Variants in KAT7 observed in about 807,000 individuals in gnomAD.
KAT7 encodes lysine acetyltransferase 7, also known as histone acetyltransferase KAT7.
A neutral mutation model predicts 82.1 loss-of-function variants in KAT7; 10 were observed. The ratio of observed to expected loss-of-function variants is 0.12; its 90% CI spans 0.08 to 0.21. KAT7 has a LOEUF of 0.21. Ranked by LOEUF, KAT7 falls within the 10% of genes least tolerant of loss-of-function variation. The pLI, the probability that KAT7 is intolerant of heterozygous loss-of-function variation, is 1.00. For synonymous variants in KAT7, 250 were observed against 262.5 expected (o/e 0.95, Z 0.46); for missense variants, 378 against 760.9 (o/e 0.50, Z 5.92).
intron 3 of KAT7, 108 bp from the exon 4 acceptor site, chr17:49,798,211 A>T: frequency 1.0e-6 from 1 of 982,596 alleles, no homozygotes; most frequent in Non-Finnish European, 1.5e-6. Flanking sequence ...GCTGAAAGTT[A>T]CTGGTTAAAT....
Position 49,833,147 on chromosome 17 carries a change from TG to T in KAT7, c.*5650del, listed in dbSNP as rs2074437922. Reference sequence around the variant, plus strand: ...AAGTCCAGGTCATGTTGTTACCATTTGGGGGTTTGCGGATTTGTTTACTTGT... The same window carrying T: ...AAGTCCAGGTCATGTTGTTACCATTTGGGGTTTGCGGATTTGTTTACTTGT... On this transcript the variant is annotated 3_prime_UTR_variant, in exon 15 of 15. Transcript: ENST00000259021. 6.6e-6 allele frequency: 1 copy of T among 152,222 alleles called. No individual in the cohort carries two copies. The highest frequency in any genetic ancestry group is 2.1e-4 in the South Asian group (1 of 4,834). 9.4% of individuals were successfully genotyped at this position (152,222 alleles called of 1,614,324 possible).
chr17:49,814,248 G>A (rs1048102994), intron 7 of KAT7, among the ~76,000 whole-genome samples: 4 of 152,120 alleles, frequency 2.6e-5, no homozygotes, highest in Non-Finnish European at 5.9e-5. Context: ...ATGAATACAT[G>A]GACATAGGCC....
rs7208160 is a variant in KAT7 at position 49,812,883 on chromosome 17, A to G, written c.852+1309A>G. Reference sequence around the variant, plus strand: ...ACACCCGGCTAATTTTTGTATTTTTAGTAGAGATGGGGTTTCACCATGTTG... The same window carrying G: ...ACACCCGGCTAATTTTTGTATTTTTGGTAGAGATGGGGTTTCACCATGTTG... On this transcript the variant is annotated intron_variant, in intron 7 of 14. Coordinates refer to ENST00000259021, the MANE Select transcript of KAT7 (RefSeq NM_007067.5). Among the ~76,000 whole-genome samples the G allele has an allele frequency of 1.5e-3, 223 of 151,410 alleles. 1 individual carries two copies. The highest frequency in any genetic ancestry group is 2.4e-3 in the Non-Finnish European group (165 of 67,844).
At chr17:49,804,231 T>C (rs2074062054) in intron 4 of KAT7, among the ~76,000 whole-genome samples, 1 of 151,502 alleles carries the variant, frequency 6.6e-6, no homozygotes, top group African/African-American at 2.4e-5. Context: ...TACAAAAAAT[T>C]AGCCGGGCGT....
intron 9 of KAT7, among the ~76,000 whole-genome samples, chr17:49,820,233 C>A (rs1452207228): frequency 2.0e-5 from 3 of 151,494 alleles, no homozygotes; most frequent in South Asian, 2.1e-4. Flanking sequence ...GACAGAGTGA[C>A]ACCCTATCTC....
intron 1 of KAT7, among the ~76,000 whole-genome samples, chr17:49,790,488 C>T (rs1188376104): frequency 2.0e-5 from 3 of 152,210 alleles, no homozygotes; most frequent in African/African-American, 7.2e-5. Context: ...TGAGCCACCA[C>T]GCCCGGCCGG....
At chr17:49,813,268 A>G (rs570366243) in intron 7 of KAT7, among the ~76,000 whole-genome samples, 24 of 152,064 alleles carry the variant, frequency 1.6e-4, no homozygotes, top group African/African-American at 5.1e-4. Context: ...AAGTGAGAAC[A>G]TGCTGTGTTT....
At position 49,815,856 on chromosome 17, in the gene KAT7, A is replaced by G. The variant is rs139974135; in HGVS notation, c.906A>G (p.Thr302=). The G allele has an allele frequency of 1.1e-4, 178 of 1,613,742 alleles. No homozygotes were observed. Among genetic ancestry groups the G allele is most frequent in the Non-Finnish European group, 1.4e-4 (170 of 1,179,912 alleles). Residue 302 remains threonine (T), a synonymous_variant, in exon 8 of 15, where the codon ACA becomes ACG. Coordinates refer to ENST00000259021, the MANE Select transcript of KAT7 (RefSeq NM_007067.5). ...NTREPLLENL[T]SEYDLDLFRR... The stretch of plus-strand genomic sequence containing the variant: ...GGGAACCTCTTTTAGAAAACCTGAC[A>G]AGCGAGTATGACTTGGATCTTTTCC...
intron 4 of KAT7, among the ~76,000 whole-genome samples, chr17:49,803,856 A>C (rs1302146402): frequency 6.6e-6 from 1 of 150,528 alleles, no homozygotes; most frequent in African/African-American, 2.4e-5. Context: ...GTAAGCTTTA[A>C]ACTCCACTTT....
intron 7 of KAT7, among the ~76,000 whole-genome samples, 183 bp downstream of exon 7, chr17:49,811,757 A>G (rs1246349369): frequency 6.6e-6 from 1 of 152,228 alleles, no homozygotes; most frequent in East Asian, 1.9e-4. Context: ...TGAGAGTGGA[A>G]ACAGGAGGTC....
intron 8 of KAT7, 64 bp downstream of exon 8, chr17:49,815,977 A>AT: frequency 1.1e-6 from 1 of 914,904 alleles, no homozygotes; most frequent in Non-Finnish European, 1.8e-6. Context: ...GCCAGGAAAA[A>AT]TGATTGCAAA....
chr17:49,791,722 A>T (rs2073892053), intron 1 of KAT7, among the ~76,000 whole-genome samples, 164 bp from the exon 2 acceptor site: 1 of 152,218 alleles, frequency 6.6e-6, no homozygotes, highest in Admixed American at 6.5e-5. Context: ...TTCTAAATAA[A>T]GTGAAGTTGC....
At chr17:49,823,471 T>C in intron 12 of KAT7, 176 bp downstream of exon 12, 1 of 562,486 alleles carries the variant, frequency 1.8e-6, no homozygotes, top group South Asian at 2.0e-5. Context: ...TAATACACAT[T>C]GAACATTGAA....
At chr17:49,816,648 C>G (rs997485907) in intron 8 of KAT7, among the ~76,000 whole-genome samples, 3 of 152,136 alleles carry the variant, frequency 2.0e-5, no homozygotes, top group African/African-American at 7.2e-5. Context: ...GCAGGGTTTG[C>G]TGGCTACCCT....
intron 4 of KAT7, among the ~76,000 whole-genome samples, chr17:49,802,699 A>G (rs1343545873): frequency 3.3e-5 from 5 of 151,764 alleles, no homozygotes; most frequent in Non-Finnish European, 1.5e-5. Context: ...ATGGATACAT[A>G]GTATCTGAAA....
At chr17:49,820,785 G>T (rs12449890) in intron 9 of KAT7, among the ~76,000 whole-genome samples, 70,774 of 142,740 alleles carry the variant, frequency 0.5, 20,531 homozygotes, top group Middle Eastern at 0.74. Context: ...TTTGCCACAG[G>T]ACTTTCTCTT....
At position 49,823,938 on chromosome 17, in the gene KAT7, T is replaced by A. The variant is rs554125270; in HGVS notation, c.1480+643T>A. On this transcript the variant is annotated intron_variant, in intron 12 of 14. Coordinates refer to ENST00000259021, the MANE Select transcript of KAT7 (RefSeq NM_007067.5). ...TTCTGTTGATTTTAAATGGCCCCTA[T>A]GAGTAGTACTGATGTGTCTGGTGTT... is the stretch of plus-strand genomic sequence containing the variant. Among the ~76,000 whole-genome samples, 465 of 152,260 alleles carry A rather than the reference T, an allele frequency of 3.1e-3. 2 individuals are homozygous for A. Among genetic ancestry groups the A allele is most frequent in the Non-Finnish European group, 5.0e-3 (342 of 68,010 alleles).
At position 49,826,808 on chromosome 17, in the gene KAT7, CTCA is replaced by C; in HGVS notation, c.1734+13_1734+15del. 6.4e-7 allele frequency: 1 copy of C among 1,551,218 alleles called. No homozygotes were observed. The highest frequency in any genetic ancestry group is 8.9e-7 in the Non-Finnish European group (1 of 1,123,266). ...TAGTTTTAAAGAGACAGGTAAGGTT[CTCA>C]TCAGGGGCTTGCTCATTGCTGGATG... On this transcript the variant is annotated intron_variant, in intron 14 of 14. Coordinates refer to ENST00000259021, the MANE Select transcript of KAT7 (RefSeq NM_007067.5).
In KAT7 at chr17:49,821,393, C is replaced by T. The variant is rs1246866545; in HGVS notation, c.1212C>T (p.Ile404=). Residue 404 remains isoleucine (I), a synonymous_variant, in exon 10 of 15, where the codon ATC becomes ATT. Transcript: ENST00000259021. The part of the protein sequence containing the change: ...PGDEIYRKGS[I]SVFEVDGKKN... ...ATGAGATATATCGCAAAGGTTCAAT[C>T]TCTGTGTTTGAAGTGGATGGCAAGA... 3 of 1,613,772 alleles carry T rather than the reference C, an allele frequency of 1.9e-6. No homozygotes were observed. The highest frequency in any genetic ancestry group is 1.1e-5 in the South Asian group (1 of 91,044).
Sources: allele counts gnomAD v4.1 joint callset (sites outside exome capture counted in the v4.1 genomes callset), GRCh38; gene constraint gnomAD v4.1.1; transcripts MANE v1.5; gene names NCBI Gene and HGNC (gene_info 2026-07-23, HGNC 2026-07-21).